Variants in RASIP1 observed in about 807,000 individuals in gnomAD.
The protein encoded by RASIP1 is Ras interacting protein 1, also known as ras-interacting protein 1.
RASIP1 carries 20 observed loss-of-function variants against 85.3 expected under a neutral mutation model. The ratio of observed to expected loss-of-function variants is 0.23; its 90% CI spans 0.17 to 0.34. The LOEUF is 0.34. Ranked by LOEUF, RASIP1 falls within the 10% of genes least tolerant of loss-of-function variation. The pLI is 1.00. For synonymous variants in RASIP1, 617 were observed against 647.1 expected, an observed-to-expected ratio of 0.95 and a Z score of 0.71; for missense variants, 1,170 against 1,390.9, an observed-to-expected ratio of 0.84 and a Z score of 2.53.
At chr19:48,725,974 T>C (rs609064) in intron 8 of RASIP1, among the ~76,000 whole-genome samples, 18,391 of 152,166 alleles carry the variant, frequency 0.12, 3,130 homozygotes, top group African/African-American at 0.38. Context: ...TCTGTCGCCC[T>C]GGAGTGCAAT....
intron 5 of RASIP1, among the ~76,000 whole-genome samples, chr19:48,727,974 C>T (rs928102059): frequency 1.3e-5 from 2 of 152,328 alleles, no homozygotes; most frequent in Non-Finnish European, 2.9e-5. Flanking sequence ...AGGCATGAGC[C>T]ACCACGCCTG....
In RASIP1 at chr19:48,720,611, C is replaced by T. The variant is rs2033208136; in HGVS notation, c.*187G>A. The T allele has an allele frequency of 1.6e-6, 1 of 632,488 alleles. No homozygotes were observed. The highest frequency in any genetic ancestry group is 2.7e-5 in the East Asian group (1 of 37,426). The allele number at this position is 632,488 out of a possible 1,614,324, so 39.2% of individuals were successfully genotyped here. Reference sequence around the variant, plus strand: ...GCCGATACCACGGATACCTTTATTGCTCCCTGGCATTCACATCCTAAGCCC... The same window carrying T: ...GCCGATACCACGGATACCTTTATTGTTCCCTGGCATTCACATCCTAAGCCC... On this transcript the variant is annotated 3_prime_UTR_variant, in exon 12 of 12. Transcript: ENST00000222145.
chr19:48,732,176 G>C (rs185174014), intron 4 of RASIP1, among the ~76,000 whole-genome samples: 22 of 150,996 alleles, frequency 1.5e-4, no homozygotes, highest in African/African-American at 5.1e-4. Flanking sequence ...CTGGGCTCAA[G>C]TGATCCTCCT....
chr19:48,720,870 G>A lies in RASIP1; in HGVS notation c.2820C>T (p.Leu940=), dbSNP rs775753012. The A allele has an allele frequency of 3.1e-6, 5 of 1,614,066 alleles. No individual in the cohort carries two copies. The South Asian group carries it at 3.3e-5, about 11-fold the overall frequency. The part of the protein sequence containing the change: ...LHRELRRLRR[L]LWDLEQQELP... Reference sequence around the variant, plus strand: ...GCTCCTGCTGCTCAAGATCCCAGAGGAGGCGGCGGAGCCTACGGAGTTCAC... The same window carrying A: ...GCTCCTGCTGCTCAAGATCCCAGAGAAGGCGGCGGAGCCTACGGAGTTCAC... The change falls in exon 12 of 12, where the codon CTC becomes CTT. Residue 940 remains leucine (L), a synonymous_variant. Coordinates refer to ENST00000222145, the MANE Select transcript of RASIP1 (RefSeq NM_017805.3).
At position 48,720,696 on chromosome 19, in the gene RASIP1, G is replaced by A; in HGVS notation, c.*102C>T. 7.7e-6 allele frequency: 10 copies of A among 1,298,190 alleles called. No homozygotes were observed. The highest frequency in any genetic ancestry group is 1.1e-5 in the Non-Finnish European group (10 of 910,876). 80.4% of individuals were successfully genotyped at this position (1,298,190 alleles called of 1,614,324 possible). ...ACTCAATCTCCCAACATTCCACGCG[G>A]GATAAGAACTACAACTCCCAGAAAG... On this transcript the variant is annotated 3_prime_UTR_variant, in exon 12 of 12. Coordinates refer to ENST00000222145, the MANE Select transcript of RASIP1 (RefSeq NM_017805.3).
At chr19:48,727,312 A>G in intron 6 of RASIP1, 81 bp downstream of exon 6, 1 of 1,557,088 alleles carries the variant, frequency 6.4e-7, no homozygotes, top group Non-Finnish European at 8.8e-7. Flanking sequence ...GCACTGGGGC[A>G]TGCATGGGGT....
At chr19:48,727,587 T>C (rs2033364072) in intron 5 of RASIP1, among the ~76,000 whole-genome samples, 157 bp from the exon 6 acceptor site, 1 of 151,982 alleles carries the variant, frequency 6.6e-6, no homozygotes, top group African/African-American at 2.4e-5. Context: ...GGTCTCCAAC[T>C]CCTGAGCTCA....
At chr19:48,737,425 C>T in intron 3 of RASIP1, 1 of 980,676 alleles carries the variant, frequency 1.0e-6, no homozygotes, top group Non-Finnish European at 1.2e-6. Context: ...GCGCGGTCCA[C>T]CACCAGCTGT....
intron 4 of RASIP1, among the ~76,000 whole-genome samples, chr19:48,732,667 C>T (rs1017540761): frequency 1.3e-5 from 2 of 152,140 alleles, no homozygotes; most frequent in African/African-American, 4.8e-5. Flanking sequence ...AAGAGACCTT[C>T]GTGTTCTCCA....
At position 48,729,003 on chromosome 19, in the gene RASIP1, C is replaced by T. The variant is rs1238478225; in HGVS notation, c.1767G>A (p.Glu589=). The change falls in exon 5 of 12, where the codon GAG becomes GAA. Residue 589 remains glutamate (E), a synonymous_variant. Transcript: ENST00000222145. ...LALCVQHSAR[E]LELGHLPRLL... ...GTCGTGGCAGGTGGCCCAGCTCCAG[C>T]TCACGGGCGGAATGCTGCACGCACA... 1 of 1,452,788 alleles carries T rather than the reference C, an allele frequency of 6.9e-7. No homozygotes were observed. The highest frequency in any genetic ancestry group is 2.9e-5 in the Admixed American group (1 of 34,872). 90.0% of individuals were successfully genotyped at this position (1,452,788 alleles called of 1,614,324 possible).
rs559598809 is a variant in RASIP1, at chr19:48,734,005, AT to A, written c.1179+1190del. Among the ~76,000 whole-genome samples, 582 of 151,518 alleles carry A rather than the reference AT, an allele frequency of 3.8e-3. 4 individuals carry two copies. The highest frequency in any genetic ancestry group is 5.8e-3 in the Non-Finnish European group (396 of 67,828). ...CTTTTAAAAAATTTTTCATTAAAAA[AT>A]TTTTTTAGGCCGGGCACAGTGGCTT... On this transcript the variant is annotated intron_variant, in intron 4 of 11. Transcript: ENST00000222145.
chr19:48,739,174 A>G lies in RASIP1; in HGVS notation c.609T>C (p.Ala203=). ...PGESSCVDAF[A]LCDALGRPAA... is the part of the protein sequence containing the mutation. ...CGGGCCGGCCCAGAGCGTCGCACAAAGCGAAGGCGTCCACGCAGCTGCTCT... is the reference window on the plus strand; with the variant it reads ...CGGGCCGGCCCAGAGCGTCGCACAAGGCGAAGGCGTCCACGCAGCTGCTCT... The change falls in exon 3 of 12, where the codon GCT becomes GCC. Residue 203 remains alanine (A), a synonymous_variant. Transcript: ENST00000222145. The surrounding 1 kb of genome is among the most constrained non-coding windows in gnomAD (Gnocchi z 9.2). The G allele has an allele frequency of 6.8e-7, 1 of 1,465,412 alleles. No individual in the cohort carries two copies. The highest frequency in any genetic ancestry group is 9.0e-7 in the Non-Finnish European group (1 of 1,115,618). 90.8% of individuals were successfully genotyped at this position (1,465,412 alleles called of 1,614,324 possible).
At chr19:48,731,718 C>T (rs1178354458) in intron 4 of RASIP1, among the ~76,000 whole-genome samples, 2 of 152,206 alleles carry the variant, frequency 1.3e-5, no homozygotes, top group Admixed American at 6.5e-5. Flanking sequence ...TTACCCCTAC[C>T]CCATGAATGG....
Position 48,736,705 on chromosome 19 carries a change from G to A in RASIP1, c.824-1154C>T, listed in dbSNP as rs192091564. On this transcript the variant is annotated intron_variant, in intron 3 of 11. Transcript: ENST00000222145. ...ATATGGGAGGGTGGAAACCTCATCT[G>A]TCAACGTCCCCACTGTATTCCCCAG... Among the ~76,000 whole-genome samples the A allele has an allele frequency of 2.1e-3, 321 of 152,264 alleles. 2 individuals carry two copies. Among genetic ancestry groups the A allele is most frequent in the African/African-American group, 7.1e-3 (293 of 41,560 alleles).
chr19:48,727,308 G>T, intron 6 of RASIP1, 85 bp downstream of exon 6: 1 of 1,548,976 alleles, frequency 6.5e-7, no homozygotes, highest in Non-Finnish European at 8.8e-7. Context: ...ACTTGCACTG[G>T]GGCATGCATG....
At position 48,738,400 on chromosome 19, in the gene RASIP1, C is replaced by G. The variant is rs2033609220; in HGVS notation, c.823+560G>C. ...GCTGCAGGATGTACACCTAACAGAC[C>G]TCGCAGAAACCTTACCAGAAAGTGG... On this transcript the variant is annotated intron_variant, in intron 3 of 11. Transcript: ENST00000222145. The surrounding 1 kb of genome is among the most constrained non-coding windows in gnomAD (Gnocchi z 4.0). 6.6e-6 allele frequency: 1 copy of G among 152,208 alleles called. No homozygotes were observed. Among genetic ancestry groups the G allele is most frequent in the South Asian group, 2.1e-4 (1 of 4,818 alleles). The allele number at this position is 152,208 out of a possible 1,614,324, so 9.4% of individuals were successfully genotyped here.
At chr19:48,729,706 CTTCT>C (rs758795417) in intron 4 of RASIP1, 116 bp from the exon 5 acceptor site, 976 of 593,930 alleles carry the variant, frequency 1.6e-3, no homozygotes, top group Non-Finnish European at 2.1e-3. Context: ...TTTCCTTCTT[CTTCT>C]TTTTTTTTTT....
At chr19:48,728,199 A>T (rs1601278993) in intron 5 of RASIP1, among the ~76,000 whole-genome samples, 1 of 152,134 alleles carries the variant, frequency 6.6e-6, no homozygotes, top group East Asian at 1.9e-4. Context: ...TGGAACTTCC[A>T]TCTGTAGGTC....
chr19:48,732,151 T>C (rs193115284), intron 4 of RASIP1, among the ~76,000 whole-genome samples: 1 of 151,766 alleles, frequency 6.6e-6, no homozygotes, highest in East Asian at 1.9e-4. Context: ...ACTGCAGACT[T>C]GCAGACTCCA....
Sources: allele counts gnomAD v4.1 joint callset (sites outside exome capture counted in the v4.1 genomes callset), GRCh38; gene constraint gnomAD v4.1.1; non-coding constraint Gnocchi (gnomAD v3.1); transcripts MANE v1.5; gene names NCBI Gene and HGNC (gene_info 2026-07-23, HGNC 2026-07-21).